EEF1D: variants seen among roughly 807,000 people sequenced by gnomAD.
EEF1D encodes the protein elongation factor 1-delta.
A neutral mutation model predicts 63.9 loss-of-function variants in EEF1D; 47 were observed. The ratio of observed to expected loss-of-function variants is 0.74; its 90% CI spans 0.58 to 0.94. The LOEUF (loss-of-function observed/expected upper bound fraction) is 0.94. EEF1D is among the 40% of genes least tolerant of loss of function. The pLI, the probability that EEF1D is intolerant of heterozygous loss-of-function variation, is 0.00. For missense variants in EEF1D, 907 were observed against 899.0 expected, an observed-to-expected ratio of 1.01 and a Z score of -0.11; for synonymous variants, 412 against 386.1, an observed-to-expected ratio of 1.07 and a Z score of -0.79.
intron 3 of EEF1D, among the ~76,000 whole-genome samples, chr8:143,587,957 C>T (rs1827028807): frequency 6.6e-6 from 1 of 152,212 alleles, no homozygotes; most frequent in South Asian, 2.1e-4. Context: ...TGCCCTGCCG[C>T]CAGTCTGTGT....
rs1370580765 is a variant in EEF1D at position 143,590,030 on chromosome 8, G to C, written c.52C>G (p.His18Asp). ...CTLETVWEDK[H>D]KYEEAERRFY... ...CGCCGCTCGGCCTCCTCATACTTGT[G>C]CTTGTCTTCCCACACGGTCTCCAGG... is the stretch of plus-strand genomic sequence containing the variant. The change falls in exon 3 of 10, where the codon CAC (histidine) becomes GAC (aspartate). Residue 18 changes from histidine (H) to aspartate (D), a missense_variant. Transcript: ENST00000618139. 1 of 1,599,040 alleles carries C rather than the reference G, an allele frequency of 6.3e-7. No homozygotes were observed. Among genetic ancestry groups the C allele is most frequent in the Non-Finnish European group, 8.5e-7 (1 of 1,179,866 alleles).
In EEF1D at chr8:143,586,259, A is replaced by G; in HGVS notation, c.1247T>C (p.Ile416Thr). 1 of 1,609,308 alleles carries G rather than the reference A, an allele frequency of 6.2e-7. No individual in the cohort carries two copies. Among genetic ancestry groups the G allele is most frequent in the Non-Finnish European group, 8.5e-7 (1 of 1,178,650 alleles). ...ENGASVILRDIARARENIQKS... is the reference protein window; with the variant it reads ...ENGASVILRDTARARENIQKS... Reference sequence around the variant, plus strand: ...CTGGATGTTCTCTCTGGCTCTCGCAATGTCACGGAGGATCACGCTGGCGCC... The same window carrying G: ...CTGGATGTTCTCTCTGGCTCTCGCAGTGTCACGGAGGATCACGCTGGCGCC... The change falls in exon 5 of 10, where the codon ATT (isoleucine) becomes ACT (threonine). Residue 416 changes from isoleucine to threonine, a missense_variant. By Grantham distance (89) the Ile-to-Thr change is moderately conservative (BLOSUM62 -1). Coordinates refer to ENST00000618139, the MANE Select transcript of EEF1D (RefSeq NM_001130053.5).
chr8:143,581,601 C>G, intron 5 of EEF1D: 1 of 534,030 alleles, frequency 1.9e-6, no homozygotes, highest in South Asian at 2.4e-5. Flanking sequence ...TGCTGCTGCC[C>G]GGCGGAATCC....
intron 3 of EEF1D, chr8:143,587,493 C>T (rs1018739945): frequency 6.6e-6 from 1 of 152,252 alleles, no homozygotes; most frequent in African/African-American, 2.4e-5. Context: ...CTGTGCCTGG[C>T]TAATTTTTTG....
At position 143,589,858 on chromosome 8, in the gene EEF1D, C is replaced by T; in HGVS notation, c.224G>A (p.Arg75Lys). ...GGGCTTCCTGCTGTCCTGGCTCTTC[C>T]TGGGATCACGCCTGCTGCCGCCGTC... ...APDGGSRRDP[R>K]KSQDSRKPLQ... Residue 75 changes from arginine to lysine, a missense_variant, in exon 3 of 10, where the codon AGG becomes AAG. By Grantham distance (26) the Arg-to-Lys change is conservative (BLOSUM62 2). Transcript: ENST00000618139. The T allele has an allele frequency of 6.2e-7, 1 of 1,603,244 alleles. No individual in the cohort carries two copies. The highest frequency in any genetic ancestry group is 1.1e-5 in the South Asian group (1 of 90,678).
At position 143,580,188 on chromosome 8, in the gene EEF1D, T is replaced by G; in HGVS notation, c.1729A>C (p.Met577Leu). Residue 577 changes from methionine to leucine, a missense_variant, in exon 9 of 10, where the codon ATG becomes CTG. Physicochemically the swap from Met to Leu is conservative, Grantham distance 15 (BLOSUM62 2). Coordinates refer to ENST00000618139, the MANE Select transcript of EEF1D (RefSeq NM_001130053.5). Reference protein sequence around the residue: ...DVKPWDDETDMAQLEACVRSI... With the variant: ...DVKPWDDETDLAQLEACVRSI... ...CGCACACAGGCCTCCAGCTGGGCCA[T>G]GTCCGTCTCATCATCCCACTGTGGG... 2 of 1,613,512 alleles carry G rather than the reference T, an allele frequency of 1.2e-6. No homozygotes were observed. The highest frequency in any genetic ancestry group is 1.3e-5 in the African/African-American group (1 of 75,034).
At chr8:143,587,843 G>A (rs958568454) in intron 3 of EEF1D, among the ~76,000 whole-genome samples, 10 of 152,200 alleles carry the variant, frequency 6.6e-5, no homozygotes, top group South Asian at 2.1e-4. Context: ...CTCTGTGGCC[G>A]GGGCCCAGAC....
Position 143,589,428 on chromosome 8 carries a change from G to A in EEF1D, c.654C>T (p.Gly218=). 3 of 1,527,546 alleles carry A rather than the reference G, an allele frequency of 2.0e-6. No individual in the cohort carries two copies. Among genetic ancestry groups the A allele is most frequent in the South Asian group, 1.2e-5 (1 of 81,032 alleles). The allele number at this position is 1,527,546 out of a possible 1,614,324, so 94.6% of individuals were successfully genotyped here. The change falls in exon 3 of 10, where the codon GGC becomes GGT. Residue 218 remains glycine, a synonymous_variant. Transcript: ENST00000618139. ...LAHQPSPPVN[G]QPPLGSLQAL... ...CCTGCAGGCTGCCCAGCGGGGGCTG[G>A]CCATTGACCGGTGGGCTGGGCTGGT...
rs1001517810 is a variant in EEF1D, at chr8:143,580,747, A to G, written c.1489-20T>C. 1 of 1,610,872 alleles carries G rather than the reference A, an allele frequency of 6.2e-7. No individual in the cohort carries two copies. On this transcript the variant is annotated intron_variant, in intron 7 of 9. Coordinates refer to ENST00000618139, the MANE Select transcript of EEF1D (RefSeq NM_001130053.5). ...TACGTGCTGCCACAGGGGAAGGGAC[A>G]GGAGGCACGGCTGAGACGCCCCAAC...
rs11548166 is a variant in EEF1D at position 143,586,755 on chromosome 8, C to T, written c.1189G>A (p.Gly397Arg). ...TGGCGGGAGGCACCTGCCACAGGCC[C>T]GTTCATCTGCTCGTAGAATCTCCTT... is the stretch of plus-strand genomic sequence containing the variant. ...AERRFYEQMN[G>R]PVAGASRQEN... The change falls in exon 4 of 10, where the codon GGG (glycine) becomes AGG (arginine). Residue 397 changes from glycine to arginine, a missense_variant. By Grantham distance (125) the Gly-to-Arg change is moderately radical. Coordinates refer to ENST00000618139, the MANE Select transcript of EEF1D (RefSeq NM_001130053.5). 3 of 1,613,880 alleles carry T rather than the reference C, an allele frequency of 1.9e-6. No homozygotes were observed. Among genetic ancestry groups the T allele is most frequent in the African/African-American group, 1.3e-5 (1 of 74,946 alleles).
At position 143,581,411 on chromosome 8, in the gene EEF1D, C is replaced by A. The variant is rs1004423622; in HGVS notation, c.1288-83G>T. The stretch of plus-strand genomic sequence containing the variant: ...CCATGCTCAGGACTGCAGGAACTCA[C>A]GGAAGGAAAACTACAGCTCGGGAGA... On this transcript the variant is annotated intron_variant, in intron 5 of 9. Coordinates refer to ENST00000618139, the MANE Select transcript of EEF1D (RefSeq NM_001130053.5). 10 of 1,290,514 alleles carry A rather than the reference C, an allele frequency of 7.7e-6. No individual in the cohort carries two copies. The African/African-American group carries it at 1.3e-4, about 17-fold the overall frequency. 79.9% of individuals were successfully genotyped at this position (1,290,514 alleles called of 1,614,324 possible).
chr8:143,595,549 C>T (rs183582704), intron 1 of EEF1D, among the ~76,000 whole-genome samples: 4 of 152,346 alleles, frequency 2.6e-5, no homozygotes, highest in African/African-American at 9.6e-5. Flanking sequence ...TCCACATTCC[C>T]ACTCAGCCAC....
rs1827714636 is a variant in EEF1D, at chr8:143,590,234, G to C, written c.1-153C>G. 6.9e-6 allele frequency: 8 copies of C among 1,153,666 alleles called. No individual in the cohort carries two copies. The East Asian group carries it at 2.1e-4, about 30-fold the overall frequency. The allele number at this position is 1,153,666 out of a possible 1,614,324, so 71.5% of individuals were successfully genotyped here. ...ATGCTCCCCAGTGGGGCTTCCATGA[G>C]ATGACATTCGAGGACTTCGAAGTCA... On this transcript the variant is annotated intron_variant, in intron 2 of 9. Coordinates refer to ENST00000618139, the MANE Select transcript of EEF1D (RefSeq NM_001130053.5).
intron 1 of EEF1D, among the ~76,000 whole-genome samples, chr8:143,595,500 A>G (rs1235423488): frequency 6.6e-6 from 1 of 152,178 alleles, no homozygotes; most frequent in African/African-American, 2.4e-5. Flanking sequence ...CACCACGCCC[A>G]GCCGCCTTTG....
At position 143,586,642 on chromosome 8, in the gene EEF1D, T is replaced by G. The variant is rs1337800042; in HGVS notation, c.1215+87A>C. On this transcript the variant is annotated intron_variant, in intron 4 of 9. Coordinates refer to ENST00000618139, the MANE Select transcript of EEF1D (RefSeq NM_001130053.5). Reference sequence around the variant, plus strand: ...CCACTGGGCCAGGGTGCCTCTGCCTTCCTGGCCTGGCTGAATCCGCTTTGT... The same window carrying G: ...CCACTGGGCCAGGGTGCCTCTGCCTGCCTGGCCTGGCTGAATCCGCTTTGT... 1.9e-6 allele frequency: 3 copies of G among 1,551,322 alleles called. No homozygotes were observed. In the East Asian group the frequency reaches 6.8e-5, roughly 35 times the overall value.
chr8:143,584,908 G>C (rs773398836), intron 5 of EEF1D, among the ~76,000 whole-genome samples: 3 of 152,062 alleles, frequency 2.0e-5, no homozygotes, highest in African/African-American at 7.3e-5. Context: ...TCCCACAATT[G>C]TATTTTGGGA....
intron 1 of EEF1D, among the ~76,000 whole-genome samples, chr8:143,593,389 G>A (rs925858421): frequency 7.2e-5 from 11 of 152,208 alleles, no homozygotes; most frequent in African/African-American, 2.7e-4. Flanking sequence ...CAAGCTCTGC[G>A]AAGGGCAGCT....
chr8:143,595,092 A>T (rs1397685110), intron 1 of EEF1D, among the ~76,000 whole-genome samples: 1 of 151,084 alleles, frequency 6.6e-6, no homozygotes, highest in Non-Finnish European at 1.5e-5. Flanking sequence ...TTTTTTTGAG[A>T]CGGAGCCTCA....
At chr8:143,583,701 T>C (rs1825992086) in intron 5 of EEF1D, 1 of 150,008 alleles carries the variant, frequency 6.7e-6, no homozygotes, top group Non-Finnish European at 1.5e-5. Flanking sequence ...CCTAGGTGGC[T>C]GTGGCTGTGG....
Sources: allele counts gnomAD v4.1 joint callset (sites outside exome capture counted in the v4.1 genomes callset), GRCh38; gene constraint gnomAD v4.1.1; transcripts MANE v1.5; gene names NCBI Gene and HGNC (gene_info 2026-07-23, HGNC 2026-07-21).